The following MORN3 variants were observed in gnomAD, a reference collection of about 807,000 sequenced individuals.
MORN3 encodes MORN repeat containing 3.
A neutral mutation model predicts 34.7 loss-of-function variants in MORN3; 38 were observed. The ratio of observed to expected loss-of-function variants is 1.10; its 90% CI spans 0.85 to 1.44. The LOEUF (loss-of-function observed/expected upper bound fraction) is 1.44. MORN3 is among the 40% of genes most tolerant of loss of function. MORN3 has a pLI of 0.00. For synonymous variants in MORN3, 109 were observed against 115.3 expected, an observed-to-expected ratio of 0.95 and a Z score of 0.35; for missense variants, 311 against 321.7, an observed-to-expected ratio of 0.97 and a Z score of 0.25.
Position 121,651,570 on chromosome 12 carries a change from C to T in MORN3, c.*81G>A, listed in dbSNP as rs1252637083. 1 of 152,482 alleles carries T rather than the reference C, an allele frequency of 6.6e-6. No homozygotes were observed. Among genetic ancestry groups the T allele is most frequent in the Non-Finnish European group, 1.5e-5 (1 of 68,242 alleles). 9.4% of individuals were successfully genotyped at this position (152,482 alleles called of 1,614,324 possible). ...GTCATGCCTGGAGCTGCTGCTGACT[C>T]CTCCAGCCAGAGCCGCACTGGTCTG... On this transcript the variant is annotated 3_prime_UTR_variant, in exon 6 of 6. Coordinates refer to ENST00000355329, the MANE Select transcript of MORN3 (RefSeq NM_173855.5).
In MORN3 at chr12:121,654,334, C is replaced by A; in HGVS notation, c.403G>T (p.Asp135Tyr). The A allele has an allele frequency of 6.2e-7, 1 of 1,602,708 alleles. No individual in the cohort carries two copies. Among genetic ancestry groups the A allele is most frequent in the Non-Finnish European group, 8.5e-7 (1 of 1,175,336 alleles). The change falls in exon 3 of 6, where the codon GAC (aspartate) becomes TAC (tyrosine). Residue 135 changes from aspartate to tyrosine, a missense_variant. By Grantham distance (160) the Asp-to-Tyr change is radical (BLOSUM62 -3). Coordinates refer to ENST00000355329, the MANE Select transcript of MORN3 (RefSeq NM_173855.5). ...TTCTCCCACTGTCCCTCGTAGATGT[C>A]GCCGTTGCTGTAATACATGCGGCCC... ...GWGRMYYSNG[D>Y]IYEGQWENDK...
intron 1 of MORN3, among the ~76,000 whole-genome samples, chr12:121,663,922 G>A (rs953427607): frequency 2.6e-5 from 4 of 151,894 alleles, no homozygotes; most frequent in Non-Finnish European, 5.9e-5. Flanking sequence ...TTTCCTTTGG[G>A]GACACCACTC....
chr12:121,655,082 C>T (rs1378447217), intron 2 of MORN3, among the ~76,000 whole-genome samples: 3 of 151,942 alleles, frequency 2.0e-5, no homozygotes, highest in Non-Finnish European at 4.4e-5. Context: ...CTAGGCTGGG[C>T]GCTGTGGCTC....
rs1290211077 is a variant in MORN3 at position 121,669,485 on chromosome 12, G to C, written c.-2C>G. The stretch of plus-strand genomic sequence containing the variant: ...TTTTGGGCACTTAGAGACTGGCATG[G>C]TGGCTGCTTCTGCAAGGCTGGAGGG... On this transcript the variant is annotated 5_prime_UTR_variant, in exon 1 of 6. Coordinates refer to ENST00000355329, the MANE Select transcript of MORN3 (RefSeq NM_173855.5). The C allele has an allele frequency of 6.2e-7, 1 of 1,613,292 alleles. No individual in the cohort carries two copies. The highest frequency in any genetic ancestry group is 1.7e-5 in the Admixed American group (1 of 59,990).
At chr12:121,661,439 T>A (rs560583876) in intron 1 of MORN3, among the ~76,000 whole-genome samples, 1 of 152,202 alleles carries the variant, frequency 6.6e-6, no homozygotes, top group Admixed American at 6.5e-5. Context: ...AGTACCAATA[T>A]TGGTCAATTC....
intron 1 of MORN3, among the ~76,000 whole-genome samples, chr12:121,666,307 T>C (rs1027895884): frequency 7.2e-5 from 11 of 151,936 alleles, no homozygotes; most frequent in Admixed American, 1.3e-4. Flanking sequence ...AGGCGTGAGC[T>C]ACCGCACCTG....
At position 121,665,139 on chromosome 12, in the gene MORN3, C is replaced by T. The variant is rs571663577; in HGVS notation, c.145+4200G>A. ...GAAGGTGAAGAGTGAGAGCAGGAGG[C>T]ATCCAACAGTCGAGTTAGGGGTTGA... On this transcript the variant is annotated intron_variant, in intron 1 of 5. Coordinates refer to ENST00000355329, the MANE Select transcript of MORN3 (RefSeq NM_173855.5). 2.0e-5 allele frequency among the ~76,000 whole-genome samples: 3 copies of T among 151,980 alleles called. No homozygotes were observed. In the South Asian group the frequency reaches 6.2e-4, roughly 32 times the overall value.
At position 121,653,279 on chromosome 12, in the gene MORN3, G is replaced by A. The variant is rs782100129; in HGVS notation, c.464-20C>T. On this transcript the variant is annotated intron_variant, in intron 3 of 5. Transcript: ENST00000355329. ...CGTTCTCTGGGGGAAAGGACAGGGA[G>A]GTGTGGTGCAGGGTACACCAAACTA... 5.0e-6 allele frequency: 8 copies of A among 1,610,864 alleles called. No individual in the cohort carries two copies. The East Asian group carries it at 1.8e-4, about 36-fold the overall frequency.
Position 121,648,917 on chromosome 12 carries a change from A to T in MORN3, c.*2734T>A, listed in dbSNP as rs1400800303. The T allele has an allele frequency of 1.3e-5, 2 of 151,058 alleles. No homozygotes were observed. Among genetic ancestry groups the T allele is most frequent in the African/African-American group, 4.9e-5 (2 of 40,942 alleles). The allele number at this position is 151,058 out of a possible 1,614,324, so 9.4% of individuals were successfully genotyped here. ...ATCTAGCGACATTTTGTACATAAAC[A>T]AGCACACCCTCTTCCAACATTTTTT... On this transcript the variant is annotated 3_prime_UTR_variant, in exon 6 of 6. Transcript: ENST00000355329.
At chr12:121,661,855 G>T (rs562714113) in intron 1 of MORN3, among the ~76,000 whole-genome samples, 12 of 151,704 alleles carry the variant, frequency 7.9e-5, no homozygotes, top group African/African-American at 2.4e-4. Context: ...CAGCTTGGGC[G>T]ACAGAGTGAG....
intron 2 of MORN3, among the ~76,000 whole-genome samples, chr12:121,655,020 A>G (rs542163346): frequency 2.0e-5 from 3 of 151,724 alleles, no homozygotes; most frequent in African/African-American, 4.8e-5. Context: ...TCCCCACCAC[A>G]CCATGCGCCA....
chr12:121,669,834 T>TATATATA (rs1566488482), upstream of MORN3, among the ~76,000 whole-genome samples: 695 of 92,222 alleles, frequency 7.5e-3, 1 homozygote, highest in South Asian at 0.031. Flanking sequence ...ATATATATAT[T>TATATATA]TTTTTTTTTA....
upstream of MORN3, among the ~76,000 whole-genome samples, chr12:121,670,883 G>A (rs1036118100): frequency 6.6e-6 from 1 of 152,086 alleles, no homozygotes; most frequent in Non-Finnish European, 1.5e-5. Context: ...GGCCGAGGCG[G>A]ATGGATCACC....
intron 2 of MORN3, among the ~76,000 whole-genome samples, chr12:121,656,898 A>G (rs1893433396): frequency 6.6e-6 from 1 of 152,120 alleles, no homozygotes; most frequent in Non-Finnish European, 1.5e-5. Flanking sequence ...CTAATACCAT[A>G]TTCTACGTAA....
rs1380282501 is a variant in MORN3 at position 121,649,650 on chromosome 12, A to G, written c.*2001T>C. 1 of 150,224 alleles carries G rather than the reference A, an allele frequency of 6.7e-6. No individual in the cohort carries two copies. The highest frequency in any genetic ancestry group is 1.5e-5 in the Non-Finnish European group (1 of 67,756). The allele number at this position is 150,224 out of a possible 1,614,324, so 9.3% of individuals were successfully genotyped here. A position where few individuals can be genotyped will look rare whatever the true frequency, so the allele number is the denominator to read the frequency against. On this transcript the variant is annotated 3_prime_UTR_variant, in exon 6 of 6. Transcript: ENST00000355329. The stretch of plus-strand genomic sequence containing the variant: ...GTTTATTGAGGCTTTACTATGTGCT[A>G]TGTGCCTCTTGCTGAGGTCTTAGCT...
At chr12:121,666,461 A>G (rs1893758590) in intron 1 of MORN3, among the ~76,000 whole-genome samples, 1 of 152,104 alleles carries the variant, frequency 6.6e-6, no homozygotes, top group South Asian at 2.1e-4. Flanking sequence ...CCGAGATCGC[A>G]GCACTGCACT....
Position 121,669,507 on chromosome 12 carries a change from A to T in MORN3, c.-24T>A. 1 of 1,611,704 alleles carries T rather than the reference A, an allele frequency of 6.2e-7. No individual in the cohort carries two copies. The highest frequency in any genetic ancestry group is 8.5e-7 in the Non-Finnish European group (1 of 1,178,642). ...ATGGTGGCTGCTTCTGCAAGGCTGGAGGGTGCTGGAAAGGGGTTAGGGACA... is the reference window on the plus strand; with the variant it reads ...ATGGTGGCTGCTTCTGCAAGGCTGGTGGGTGCTGGAAAGGGGTTAGGGACA... On this transcript the variant is annotated 5_prime_UTR_variant, in exon 1 of 6. Transcript: ENST00000355329.
chr12:121,665,550 G>C (rs1384330449), intron 1 of MORN3, among the ~76,000 whole-genome samples: 1 of 151,174 alleles, frequency 6.6e-6, no homozygotes, highest in South Asian at 2.1e-4. Context: ...GGCGGATCAC[G>C]AGGTCAGGAG....
chr12:121,660,261 TCAAA>T (rs113332479), intron 1 of MORN3, among the ~76,000 whole-genome samples: 28 of 149,946 alleles, frequency 1.9e-4, no homozygotes, highest in South Asian at 8.6e-4. Context: ...CATCTCAAAA[TCAAA>T]CAAACAAACA....
Sources: gnomAD v4.1 joint callset for allele counts (sites outside exome capture counted in the v4.1 genomes callset) on GRCh38, gnomAD v4.1.1 for gene constraint, MANE v1.5 for transcripts, NCBI Gene and HGNC (gene_info 2026-07-23, HGNC 2026-07-21) for gene names.